SCCPDH: variants seen among roughly 807,000 people sequenced by gnomAD.
SCCPDH encodes the protein saccharopine dehydrogenase (putative), also known as saccharopine dehydrogenase-like oxidoreductase.
In SCCPDH, 34 loss-of-function variants were observed where a neutral mutation model predicts 51.5. The ratio of observed to expected loss-of-function variants is 0.66; its 90% CI spans 0.50 to 0.88. SCCPDH has a LOEUF of 0.88. Ranked by LOEUF, SCCPDH falls within the 40% of genes least tolerant of loss-of-function variation. SCCPDH has a pLI of 0.00. For synonymous variants in SCCPDH, 187 were observed against 191.3 expected, an observed-to-expected ratio of 0.98 and a Z score of 0.19; for missense variants, 464 against 527.1, an observed-to-expected ratio of 0.88 and a Z score of 1.17.
intron 2 of SCCPDH, among the ~76,000 whole-genome samples, chr1:246,729,284 A>G (rs1018693611): frequency 1.3e-5 from 2 of 152,198 alleles, no homozygotes; most frequent in Non-Finnish European, 2.9e-5. Flanking sequence ...TTTGACTAGA[A>G]TTTGCCAGAC....
At chr1:246,753,630 G>A (rs1046775314) in intron 5 of SCCPDH, among the ~76,000 whole-genome samples, 2 of 152,032 alleles carry the variant, frequency 1.3e-5, no homozygotes, top group African/African-American at 2.4e-5. Flanking sequence ...GGTTTTGGGC[G>A]GGAAATTTTT....
chr1:246,763,489 T>C (rs761147068), intron 9 of SCCPDH, among the ~76,000 whole-genome samples: 1 of 152,082 alleles, frequency 6.6e-6, no homozygotes, highest in Admixed American at 6.5e-5. Flanking sequence ...CCATCTACTT[T>C]TGGGGTTTTA....
Position 246,750,394 on chromosome 1 carries a change from G to A in SCCPDH, c.564+6269G>A, listed in dbSNP as rs184867417. On this transcript the variant is annotated intron_variant, in intron 5 of 11. Coordinates refer to ENST00000366510, the MANE Select transcript of SCCPDH (RefSeq NM_016002.3). ...AACAGGGCAACCTATACAACACTTC[G>A]TAAGGGGATAAGCGAACATCTTTCC... Among the ~76,000 whole-genome samples, 547 of 152,270 alleles carry A rather than the reference G, an allele frequency of 3.6e-3. 3 individuals carry two copies. Among genetic ancestry groups the A allele is most frequent in the African/African-American group, 0.013 (527 of 41,552 alleles).
At chr1:246,747,972 G>C (rs1668786589) in intron 5 of SCCPDH, among the ~76,000 whole-genome samples, 1 of 152,298 alleles carries the variant, frequency 6.6e-6, no homozygotes, top group South Asian at 2.1e-4. Flanking sequence ...GAGGATCTCA[G>C]GACTCATTGT....
At chr1:246,764,179 G>A (rs888972111) in intron 9 of SCCPDH, 67 bp from the exon 10 acceptor site, 2 of 904,722 alleles carry the variant, frequency 2.2e-6, no homozygotes, top group Non-Finnish European at 1.8e-6. Flanking sequence ...TAGAATAGTC[G>A]GTTTTACTAT....
chr1:246,766,073 C>T lies in SCCPDH; in HGVS notation c.1118C>T (p.Ala373Val). 6.2e-7 allele frequency: 1 copy of T among 1,611,510 alleles called. No homozygotes were observed. The highest frequency in any genetic ancestry group is 1.1e-5 in the South Asian group (1 of 90,806). Residue 373 changes from alanine (A) to valine (V), a missense_variant, in exon 11 of 12, where the codon GCT (alanine) becomes GTT (valine). Coordinates refer to ENST00000366510, the MANE Select transcript of SCCPDH (RefSeq NM_016002.3). ...TTTTCTGCAGAGGCTGGCTATGTGG[C>T]TACCCCCATAGCTATGGTTCAGGCA... ...QVKGPEAGYV[A>V]TPIAMVQAAM...
At chr1:246,753,440 C>A (rs897762104) in intron 5 of SCCPDH, among the ~76,000 whole-genome samples, 7 of 152,122 alleles carry the variant, frequency 4.6e-5, no homozygotes, top group Non-Finnish European at 7.4e-5. Flanking sequence ...CCTAGACCAG[C>A]ATATTTTCTC....
At chr1:246,748,214 C>T (rs897223663) in intron 5 of SCCPDH, among the ~76,000 whole-genome samples, 4 of 152,072 alleles carry the variant, frequency 2.6e-5, no homozygotes, top group African/African-American at 4.8e-5. Context: ...CACGGATGCA[C>T]GGTATGACAC....
chr1:246,749,040 G>T (rs1049265988), intron 5 of SCCPDH, among the ~76,000 whole-genome samples: 1 of 152,192 alleles, frequency 6.6e-6, no homozygotes, highest in Admixed American at 6.5e-5. Flanking sequence ...TCAGGCTGGA[G>T]GCCACATGGC....
intron 2 of SCCPDH, among the ~76,000 whole-genome samples, chr1:246,734,608 A>G (rs1191185750): frequency 6.6e-6 from 1 of 152,164 alleles, no homozygotes; most frequent in Non-Finnish European, 1.5e-5. Flanking sequence ...ATTCTTAGTA[A>G]GAGGTGTGAG....
In SCCPDH at chr1:246,767,655, G is replaced by A. The variant is rs978177480; in HGVS notation, c.*355G>A. The A allele has an allele frequency of 1.9e-5, 3 of 156,438 alleles. No homozygotes were observed. The highest frequency in any genetic ancestry group is 6.5e-5 in the Admixed American group (1 of 15,406). The allele number at this position is 156,438 out of a possible 1,614,324, so 9.7% of individuals were successfully genotyped here. ...GGTGCGCACACCATCGTTACTGTCG[G>A]GCAGTAACTGCCGCTTGCCTTGCCG... is the stretch of plus-strand genomic sequence containing the variant. On this transcript the variant is annotated 3_prime_UTR_variant, in exon 12 of 12. Coordinates refer to ENST00000366510, the MANE Select transcript of SCCPDH (RefSeq NM_016002.3).
At chr1:246,749,658 C>T (rs1295464714) in intron 5 of SCCPDH, among the ~76,000 whole-genome samples, 9 of 152,098 alleles carry the variant, frequency 5.9e-5, no homozygotes, top group East Asian at 1.9e-4. Flanking sequence ...TAGTTGGGGC[C>T]GTCCGTCCTT....
At chr1:246,762,182 A>G (rs1351063107) in intron 9 of SCCPDH, among the ~76,000 whole-genome samples, 2 of 152,362 alleles carry the variant, frequency 1.3e-5, no homozygotes, top group East Asian at 3.9e-4. Flanking sequence ...CTTTGGAGAA[A>G]ATATTTTCAA....
Position 246,758,282 on chromosome 1 carries a change from G to T in SCCPDH, c.621G>T (p.Gln207His), listed in dbSNP as rs750298900. The change falls in exon 6 of 12, where the codon CAG becomes CAT. Residue 207 changes from glutamine (Q) to histidine (H), a missense_variant. By Grantham distance (24) the Gln-to-His change is conservative. Transcript: ENST00000366510. ...WKSAIYGFGDQSNLRKLRNVS... is the reference protein window; with the variant it reads ...WKSAIYGFGDHSNLRKLRNVS... ...CAGCAATTTATGGTTTTGGAGATCAGAGTAATTTGAGAAAACTAAGAAATG... is the reference window on the plus strand; with the variant it reads ...CAGCAATTTATGGTTTTGGAGATCATAGTAATTTGAGAAAACTAAGAAATG... 6 of 1,609,940 alleles carry T rather than the reference G, an allele frequency of 3.7e-6. No homozygotes were observed. The highest frequency in any genetic ancestry group is 5.1e-6 in the Non-Finnish European group (6 of 1,177,634).
intron 1 of SCCPDH, 121 bp downstream of exon 1, chr1:246,724,733 C>A: frequency 1.2e-6 from 1 of 864,756 alleles, no homozygotes; most frequent in Non-Finnish European, 1.7e-6. Flanking sequence ...TGCGTGAGGA[C>A]AAGAAGAGGA....
intron 10 of SCCPDH, 64 bp downstream of exon 10, chr1:246,764,421 C>A: frequency 2.5e-6 from 2 of 809,018 alleles, no homozygotes; most frequent in South Asian, 1.8e-5. Context: ...AAGTACAATG[C>A]CATTACAATA....
rs565477700 is a variant in SCCPDH at position 246,724,568 on chromosome 1, G to A, written c.146G>A (p.Arg49Gln). Reference sequence around the variant, plus strand: ...CCCTGGGCCGTGGCGGGCCGCTCCCGGGAGAAGCTGCAGCGGGTGCTGGAG... The same window carrying A: ...CCCTGGGCCGTGGCGGGCCGCTCCCAGGAGAAGCTGCAGCGGGTGCTGGAG... The part of the protein sequence containing the change: ...RLPWAVAGRS[R>Q]EKLQRVLEKA... The change falls in exon 1 of 12, where the codon CGG (arginine) becomes CAG (glutamine). Residue 49 changes from arginine (R) to glutamine (Q), a missense_variant. Physicochemically the swap from Arg to Gln is conservative, Grantham distance 43. Transcript: ENST00000366510. The A allele has an allele frequency of 1.8e-4, 272 of 1,533,860 alleles. No individual in the cohort carries two copies. The East Asian group carries it at 5.1e-3, about 29-fold the overall frequency.
At chr1:246,759,198 C>G (rs773104146) in intron 7 of SCCPDH, 47 bp downstream of exon 7, 12 of 1,022,888 alleles carry the variant, frequency 1.2e-5, no homozygotes, top group Non-Finnish European at 1.9e-5. Context: ...GTTACAGTTC[C>G]TCTTTCTATT....
intron 5 of SCCPDH, among the ~76,000 whole-genome samples, chr1:246,752,635 G>A (rs992441620): frequency 3.3e-5 from 5 of 151,748 alleles, no homozygotes; most frequent in Non-Finnish European, 7.4e-5. Context: ...AATTTAACAC[G>A]AATCGGAGGA....
Sources: gnomAD v4.1 joint callset for allele counts (sites outside exome capture counted in the v4.1 genomes callset) on GRCh38, gnomAD v4.1.1 for gene constraint, MANE v1.5 for transcripts, NCBI Gene and HGNC (gene_info 2026-07-23, HGNC 2026-07-21) for gene names.